Variants in KLF8 observed in about 807,000 individuals in gnomAD.
KLF8 encodes the protein KLF transcription factor 8, also known as Krueppel-like factor 8.
KLF8 carries 10 observed loss-of-function variants against 18.2 expected under a neutral mutation model. That is an observed-to-expected ratio of 0.55 (90% CI 0.34 to 0.93). The LOEUF (loss-of-function observed/expected upper bound fraction) is 0.93. KLF8 is among the 40% of genes least tolerant of loss of function. The pLI is 0.02. For synonymous variants in KLF8, 109 were observed against 97.3 expected (o/e 1.12, Z -0.71); for missense variants, 264 against 277.9 (o/e 0.95, Z 0.36).
the KLF8 span, among the ~76,000 whole-genome samples, chrX:56,181,807 G>C: frequency 1.0e-5 from 1 of 98,308 alleles, no homozygotes; most frequent in South Asian, 4.3e-4. Context: ...CTTCTGGCTT[G>C]TAGAGTTTCT....
At chrX:56,118,101 T>A in the KLF8 span, among the ~76,000 whole-genome samples, 1 of 111,262 alleles carries the variant, frequency 9.0e-6, no homozygotes, top group South Asian at 3.8e-4. Flanking sequence ...GCCATCAGCT[T>A]GGGACTTAGG....
chrX:56,200,270 A>T, the KLF8 span, among the ~76,000 whole-genome samples: 2 of 111,072 alleles, frequency 1.8e-5, no homozygotes, highest in Admixed American at 1.9e-4. Context: ...AACACATTGT[A>T]TGTACTCACA....
the KLF8 span, among the ~76,000 whole-genome samples, chrX:56,142,492 CG>C: frequency 9.0e-6 from 1 of 110,990 alleles, no homozygotes; most frequent in Non-Finnish European, 1.9e-5. Flanking sequence ...TTTGTATGCT[CG>C]CTTTTTAGAT....
At chrX:55,912,502 C>G in the KLF8 span, among the ~76,000 whole-genome samples, 1 of 111,131 alleles carries the variant, frequency 9.0e-6, no homozygotes, top group Non-Finnish European at 1.9e-5. Context: ...AATTTCAGCA[C>G]TCAAGTTTCA....
chrX:55,919,028 C>T, the KLF8 span, among the ~76,000 whole-genome samples: 12 of 111,555 alleles, frequency 1.1e-4, no homozygotes, highest in African/African-American at 3.6e-4. Flanking sequence ...AAAGTTCTAA[C>T]CCATTCCGGC....
chrX:55,919,506 A>G, the KLF8 span, among the ~76,000 whole-genome samples: 1,007 of 111,656 alleles, frequency 9.0e-3, 5 homozygotes, highest in Non-Finnish European at 0.014. Flanking sequence ...GCTGCCTCGA[A>G]ATAGACTCAG....
the KLF8 span, among the ~76,000 whole-genome samples, chrX:56,135,952 C>A: frequency 2.7e-5 from 3 of 111,209 alleles, no homozygotes; most frequent in Non-Finnish European, 5.7e-5. Flanking sequence ...CATAGGAGAA[C>A]TAGAAAAACA....
chrX:55,914,673 C>T, the KLF8 span, among the ~76,000 whole-genome samples: 1 of 110,895 alleles, frequency 9.0e-6, no homozygotes, highest in African/African-American at 3.3e-5. Flanking sequence ...TCAACATACA[C>T]AAGTTGAGAA....
chrX:56,031,420 A>T, the KLF8 span, among the ~76,000 whole-genome samples: 1 of 112,241 alleles, frequency 8.9e-6, no homozygotes, highest in Admixed American at 9.4e-5. Context: ...TTCCACTCAG[A>T]TGGAGTGGGC....
chrX:56,050,255 G>A, the KLF8 span, among the ~76,000 whole-genome samples: 2 of 111,365 alleles, frequency 1.8e-5, no homozygotes, highest in Non-Finnish European at 3.8e-5. Flanking sequence ...GGTTTTTTGT[G>A]TCTCTATTTC....
the KLF8 span, among the ~76,000 whole-genome samples, chrX:55,944,783 T>G: frequency 9.0e-6 from 1 of 111,479 alleles, no homozygotes; most frequent in Admixed American, 9.6e-5. Context: ...AAAAACCAGC[T>G]CCTGTATTCA....
chrX:56,269,195 A>G, intron 3 of KLF8, 183 bp from the exon 4 acceptor site: 1 of 1,020,218 alleles, frequency 9.8e-7, no homozygotes, highest in Non-Finnish European at 1.2e-6. Context: ...TGCTATGCAA[A>G]AAAAAAAAAT....
At chrX:56,172,680 C>T in the KLF8 span, among the ~76,000 whole-genome samples, 2 of 112,050 alleles carry the variant, frequency 1.8e-5, no homozygotes, top group African/African-American at 3.2e-5. Flanking sequence ...GGAATCGCCA[C>T]ACTGACTTCC....
At chrX:56,265,825 C>T in intron 3 of KLF8, 81 bp downstream of exon 3, 1 of 1,113,160 alleles carries the variant, frequency 9.0e-7, no homozygotes, top group Non-Finnish European at 1.2e-6. Context: ...TCTCTTTTCA[C>T]TTCCTCCAAT....
At chrX:55,982,388 C>G in the KLF8 span, among the ~76,000 whole-genome samples, 1 of 111,355 alleles carries the variant, frequency 9.0e-6, no homozygotes, top group Non-Finnish European at 1.9e-5. Flanking sequence ...CTAAGACTAT[C>G]TTAAAACTCT....
chrX:55,949,800 A>G, the KLF8 span, among the ~76,000 whole-genome samples: 2 of 109,739 alleles, frequency 1.8e-5, no homozygotes, highest in African/African-American at 3.3e-5. Context: ...AAAAAAAAAA[A>G]GAAAAGAAAA....
At chrX:55,954,936 T>G in the KLF8 span, among the ~76,000 whole-genome samples, 1 of 111,653 alleles carries the variant, frequency 9.0e-6, no homozygotes, top group African/African-American at 3.3e-5. Context: ...TCTATGTATA[T>G]GAAATGTTCA....
At chrX:56,082,133 G>A in the KLF8 span, among the ~76,000 whole-genome samples, 1 of 111,580 alleles carries the variant, frequency 9.0e-6, no homozygotes, top group African/African-American at 3.2e-5. Context: ...CTCCTTACTG[G>A]TTATAGATGT....
At chrX:56,215,035 TTGA>T in the KLF8 span, among the ~76,000 whole-genome samples, 1 of 112,484 alleles carries the variant, frequency 8.9e-6, no homozygotes, top group Admixed American at 9.4e-5. Context: ...AGCGGCCAAG[TTGA>T]TCAGTAGACT....
Sources: allele counts gnomAD v4.1 joint callset (sites outside exome capture counted in the v4.1 genomes callset), GRCh38; gene constraint gnomAD v4.1.1; transcripts MANE v1.5; gene names NCBI Gene and HGNC (gene_info 2026-07-23, HGNC 2026-07-21).